MDC1: variants seen among roughly 807,000 people sequenced by gnomAD.
The protein encoded by MDC1 is mediator of DNA damage checkpoint 1, also known as mediator of DNA damage checkpoint protein 1.
MDC1 carries 81 observed loss-of-function variants against 142.5 expected under a neutral mutation model. The observed-to-expected ratio is 0.57, with a 90% CI of 0.47 to 0.68. MDC1 has a LOEUF of 0.68. Among genes scored for constraint, MDC1 ranks in the 30% least tolerant of loss-of-function variants. The pLI is 0.00. For synonymous variants in MDC1, 797 were observed against 968.4 expected, an observed-to-expected ratio of 0.82 and a Z score of 3.29; for missense variants, 2,119 against 2,547.9, an observed-to-expected ratio of 0.83 and a Z score of 3.62.
Position 30,712,554 on chromosome 6 carries a change from G to A in MDC1, c.1388C>T (p.Pro463Leu). The change falls in exon 5 of 15, where the codon CCA becomes CTA. Residue 463 changes from proline to leucine, a missense_variant. Physicochemically the swap from Pro to Leu is moderately conservative, Grantham distance 98. Coordinates refer to ENST00000376406, the MANE Select transcript of MDC1 (RefSeq NM_014641.3). The surrounding 1 kb of genome is among the most constrained non-coding windows in gnomAD (Gnocchi z 4.7). ...GAGGACAGCTTCTCTATTTTCCACT[G>A]GGAGCTCTTCCTCCTCCACGTCTGT... ...SDTDVEEEEL[P>L]VENREAVLKD... 1.2e-6 allele frequency: 2 copies of A among 1,613,034 alleles called. No homozygotes were observed. The highest frequency in any genetic ancestry group is 1.7e-6 in the Non-Finnish European group (2 of 1,180,032).
chr6:30,708,577 G>C (rs1774305956), intron 7 of MDC1, among the ~76,000 whole-genome samples: 1 of 152,130 alleles, frequency 6.6e-6, no homozygotes, highest in Non-Finnish European at 1.5e-5. Flanking sequence ...GCCTTAGGCG[G>C]GCATGGTGGC....
In MDC1 at chr6:30,713,154, G is replaced by C. The variant is rs777347993; in HGVS notation, c.788C>G (p.Pro263Arg). The stretch of plus-strand genomic sequence containing the variant: ...ATCATTGTCCCTCTCCTTCACTAAA[G>C]GCTGATCCTTTTCAAGCTGGATTTC... ...VTEIQLEKDQ[P>R]LVKERDNDTK... Residue 263 changes from proline (P) to arginine (R), a missense_variant, in exon 5 of 15, where the codon CCT (proline) becomes CGT (arginine). By Grantham distance (103) the Pro-to-Arg change is moderately radical (BLOSUM62 -2). Transcript: ENST00000376406. The surrounding 1 kb of genome is among the most constrained non-coding windows in gnomAD (Gnocchi z 4.9). The C allele has an allele frequency of 8.1e-6, 13 of 1,612,962 alleles. No homozygotes were observed. The highest frequency in any genetic ancestry group is 1.1e-5 in the Non-Finnish European group (13 of 1,179,932).
chr6:30,706,274 CA>C (rs1176959370), intron 9 of MDC1, among the ~76,000 whole-genome samples, 176 bp from the exon 10 acceptor site: 1 of 151,574 alleles, frequency 6.6e-6, no homozygotes, highest in African/African-American at 2.4e-5. Context: ...ATCACGAGGT[CA>C]GGAGTTCAAG....
chr6:30,706,124 G>T (rs1406608988), intron 9 of MDC1, 26 bp from the exon 10 acceptor site: 4 of 1,521,630 alleles, frequency 2.6e-6, no homozygotes. Flanking sequence ...AGCAAGTGAG[G>T]GGGAGGAGGT....
rs1487046433 is a variant in MDC1 at position 30,716,431 on chromosome 6, C to G, written c.-4+814G>C. Among the ~76,000 whole-genome samples the G allele has an allele frequency of 6.6e-6, 1 of 152,102 alleles. No individual in the cohort carries two copies. The highest frequency in any genetic ancestry group is 1.9e-4 in the East Asian group (1 of 5,196). The stretch of plus-strand genomic sequence containing the variant: ...TAGAGACGGGGTTTCACCACGGTCT[C>G]GAGCTCCTGACCTCAGGTGATCCGC... On this transcript the variant is annotated intron_variant, in intron 1 of 14. Transcript: ENST00000376406. The surrounding 1 kb of genome is among the most constrained non-coding windows in gnomAD (Gnocchi z 4.4).
In MDC1 at chr6:30,702,644, G is replaced by C. The variant is rs1169849764; in HGVS notation, c.6011C>G (p.Thr2004Ser). Residue 2004 changes from threonine to serine, a missense_variant, in exon 14 of 15, where the codon ACC becomes AGC. Thr to Ser is a moderately conservative substitution (Grantham distance 58). Transcript: ENST00000376406. Reference protein sequence around the residue: ...RLLEGYEIYVTPGVQPPPPQM... With the variant: ...RLLEGYEIYVSPGVQPPPPQM... ...AGGTGGTGGTGGCTGGACTCCAGGG[G>C]TCACATAGATCTCATAGCCCTAAGA... The C allele has an allele frequency of 6.2e-7, 1 of 1,611,382 alleles. No individual in the cohort carries two copies. Among genetic ancestry groups the C allele is most frequent in the East Asian group, 2.2e-5 (1 of 44,870 alleles).
In MDC1 at chr6:30,716,231, T is replaced by C. The variant is rs200514880; in HGVS notation, c.-4+1014A>G. Among the ~76,000 whole-genome samples, 7 of 137,050 alleles carry C rather than the reference T, an allele frequency of 5.1e-5. No individual in the cohort carries two copies. Among genetic ancestry groups the C allele is most frequent in the Non-Finnish European group, 6.2e-5 (4 of 64,912 alleles). The allele number at this position is 137,050 out of a possible 152,430, so 89.9% of individuals were successfully genotyped here. A position where few individuals can be genotyped will look rare whatever the true frequency, so the allele number is the denominator to read the frequency against. On this transcript the variant is annotated intron_variant, in intron 1 of 14. Coordinates refer to ENST00000376406, the MANE Select transcript of MDC1 (RefSeq NM_014641.3). The surrounding 1 kb of genome is among the most constrained non-coding windows in gnomAD (Gnocchi z 4.4). ...AGTTCAAATGTCACTTTCTTTCTTTTTTTTTTTTTTGAGATGGAATCTCGC... is the reference window on the plus strand; with the variant it reads ...AGTTCAAATGTCACTTTCTTTCTTTCTTTTTTTTTTGAGATGGAATCTCGC...
chr6:30,700,686 G>T (rs1439429965), intron 14 of MDC1, 54 bp from the exon 15 acceptor site: 1 of 1,588,314 alleles, frequency 6.3e-7, no homozygotes, highest in South Asian at 1.1e-5. Flanking sequence ...CTAGAAATGG[G>T]TTCAGGACCC....
intron 9 of MDC1, among the ~76,000 whole-genome samples, chr6:30,706,620 TAAAAAAAA>T (rs9278748): frequency 2.3e-5 from 1 of 42,806 alleles, no homozygotes; most frequent in African/African-American, 1.1e-4. Flanking sequence ...AGACTCTGTC[TAAAAAAAA>T]AAAAAAAAAA....
At position 30,713,875 on chromosome 6, in the gene MDC1, C is replaced by A. The variant is rs1471723111; in HGVS notation, c.445G>T (p.Glu149Ter). 6.2e-7 allele frequency: 1 copy of A among 1,613,978 alleles called. No homozygotes were observed. The highest frequency in any genetic ancestry group is 8.5e-7 in the Non-Finnish European group (1 of 1,180,044). ...GTTTCTCCCTGTACTCTGGGTGTCT[C>A]TTCTACTGTCAGAGGGCCCCGGGAG... ...FVSRGPLTVEETPRVQGETQP... is the reference protein window; with the variant it reads ...FVSRGPLTVE Residue 149 changes from glutamate to a stop codon, truncating the protein, a stop_gained, in exon 3 of 15, where the codon GAG (glutamate) becomes TAG (stop). Transcript: ENST00000376406. LOFTEE classifies it high-confidence loss of function. This position sits in a 1 kb window ranked among gnomAD's most constrained non-coding sequence, Gnocchi z 4.9.
Position 30,700,625 on chromosome 6 carries a change from C to G in MDC1, c.6110G>C (p.Arg2037Thr). The change falls in exon 15 of 15, where the codon AGA becomes ACA. Residue 2037 changes from arginine to threonine, a missense_variant. Physicochemically the swap from Arg to Thr is moderately conservative, Grantham distance 71. Coordinates refer to ENST00000376406, the MANE Select transcript of MDC1 (RefSeq NM_014641.3). ...PSMPRSYKPQ[R>T]VVITCPQDFP... ...GTCCTGAGGGCATGTGATCACAACT[C>G]TCTGAGGCTGGGGAAGACAGAGCAA... 5 of 1,612,884 alleles carry G rather than the reference C, an allele frequency of 3.1e-6. No individual in the cohort carries two copies. The highest frequency in any genetic ancestry group is 4.2e-6 in the Non-Finnish European group (5 of 1,179,932).
In MDC1 at chr6:30,706,261, C is replaced by T. The variant is rs374751799; in HGVS notation, c.3085-163G>A. Among the ~76,000 whole-genome samples the T allele has an allele frequency of 1.1e-4, 17 of 148,672 alleles. No individual in the cohort carries two copies. The East Asian group carries it at 3.2e-3, about 28-fold the overall frequency. ...CAGCACTTTGGGAGGCCGAGGCGGG[C>T]GGATCACGAGGTCAGGAGTTCAAGA... is the stretch of plus-strand genomic sequence containing the variant. On this transcript the variant is annotated intron_variant, in intron 9 of 14. Transcript: ENST00000376406.
intron 5 of MDC1, 69 bp downstream of exon 5, chr6:30,711,803 TTC>T: frequency 1.3e-6 from 2 of 1,569,934 alleles, no homozygotes; most frequent in South Asian, 2.4e-5. Context: ...ATCTCTACCT[TTC>T]TCTCCCCAAC....
Position 30,713,842 on chromosome 6 carries a change from G to C in MDC1, c.478C>G (p.Gln160Glu). The change falls in exon 3 of 15, where the codon CAG becomes GAG. Residue 160 changes from glutamine (Q) to glutamate (E), a missense_variant. Transcript: ENST00000376406. This position sits in a 1 kb window ranked among gnomAD's most constrained non-coding sequence, Gnocchi z 4.9. ...TPRVQGETQP[Q>E]RLLLAEDSEE... ...GAGTCCTCAGCCAACAGAAGCCTCT[G>C]GGGTTGAGTTTCTCCCTGTACTCTG... 2 of 1,614,124 alleles carry C rather than the reference G, an allele frequency of 1.2e-6. No homozygotes were observed. Among genetic ancestry groups the C allele is most frequent in the South Asian group, 2.2e-5 (2 of 91,078 alleles).
At position 30,714,193 on chromosome 6, in the gene MDC1, A is replaced by T; in HGVS notation, c.137-10T>A. 3 of 1,599,462 alleles carry T rather than the reference A, an allele frequency of 1.9e-6. No homozygotes were observed. Among genetic ancestry groups the T allele is most frequent in the Non-Finnish European group, 2.5e-6 (3 of 1,176,914 alleles). Reference sequence around the variant, plus strand: ...AGGTGTAGTGGGAAATCTAAGAATTAGAGAGGTAGATAAGCTCCAAGATCA... The same window carrying T: ...AGGTGTAGTGGGAAATCTAAGAATTTGAGAGGTAGATAAGCTCCAAGATCA... On this transcript the variant is annotated splice_polypyrimidine_tract_variant and intron_variant, in intron 2 of 14. Transcript: ENST00000376406.
chr6:30,707,351 TGTGGAATAGGAG>T, intron 9 of MDC1, 21 bp downstream of exon 9: 1 of 1,597,820 alleles, frequency 6.3e-7, no homozygotes, highest in South Asian at 1.1e-5. Flanking sequence ...AGAGATGACT[TGTGGAATAGGAG>T]GTAGAAAAAG....
chr6:30,708,328 C>A lies in MDC1; in HGVS notation c.2251G>T (p.Ala751Ser). 6.2e-7 allele frequency: 1 copy of A among 1,611,460 alleles called. No homozygotes were observed. Among genetic ancestry groups the A allele is most frequent in the Non-Finnish European group, 8.5e-7 (1 of 1,179,936 alleles). ...TCTCTCAGACAGAATGGCTGTGTAG[C>A]CAGGACCTCCCATGGTTCATCTAGG... ...GTLDEPWEVL[A>S]TQPFCLRESE... Residue 751 changes from alanine (A) to serine (S), a missense_variant, in exon 8 of 15, where the codon GCT becomes TCT. Transcript: ENST00000376406.
rs1461360313 is a variant in MDC1 at position 30,703,386 on chromosome 6, C to A, written c.5682+32G>T. On this transcript the variant is annotated intron_variant, in intron 11 of 14. Coordinates refer to ENST00000376406, the MANE Select transcript of MDC1 (RefSeq NM_014641.3). This position sits in a 1 kb window ranked among gnomAD's most constrained non-coding sequence, Gnocchi z 4.4. ...CCTTGCATCCTCCCCTCATCTCTGT[C>A]TCCCACAAAGTCCCATGCCTTTGTC... 4.3e-6 allele frequency: 7 copies of A among 1,613,416 alleles called. No individual in the cohort carries two copies. The highest frequency in any genetic ancestry group is 1.3e-5 in the African/African-American group (1 of 74,942).
chr6:30,706,170 T>A, intron 9 of MDC1, 72 bp from the exon 10 acceptor site: 1 of 1,297,472 alleles, frequency 7.7e-7, no homozygotes, highest in Non-Finnish European at 1.1e-6. Context: ...CTGTTCTTGA[T>A]ACTTGTTTAT....
Sources: allele counts gnomAD v4.1 joint callset (sites outside exome capture counted in the v4.1 genomes callset), GRCh38; gene constraint gnomAD v4.1.1; non-coding constraint Gnocchi (gnomAD v3.1); transcripts MANE v1.5; gene names NCBI Gene and HGNC (gene_info 2026-07-23, HGNC 2026-07-21).